SLC2A9: variants seen among roughly 807,000 people sequenced by gnomAD.
SLC2A9 encodes the protein solute carrier family 2 member 9.
SLC2A9 carries 39 observed loss-of-function variants against 50.6 expected under a neutral mutation model. The observed-to-expected ratio is 0.77, with a 90% CI of 0.60 to 1.01. The LOEUF is 1.01. SLC2A9 is among the 50% of genes least tolerant of loss of function. The probability of loss-of-function intolerance (pLI) is 0.00; values close to 1 mark genes in which losing one functional copy is unlikely to be tolerated. For synonymous variants in SLC2A9, 324 were observed against 276.9 expected, an observed-to-expected ratio of 1.17 and a Z score of -1.69; for missense variants, 686 against 677.6, an observed-to-expected ratio of 1.01 and a Z score of -0.14.
chr4:9,999,022 C>T (rs1275940928), intron 2 of SLC2A9, among the ~76,000 whole-genome samples: 1 of 150,448 alleles, frequency 6.6e-6, no homozygotes, highest in Non-Finnish European at 1.5e-5. Context: ...GGTCAGGGGT[C>T]ATCTCGGGGG....
In SLC2A9 at chr4:9,928,289, T is replaced by C. The variant is rs1322643805; in HGVS notation, c.815-7717A>G. On this transcript the variant is annotated intron_variant, in intron 6 of 11. Coordinates refer to ENST00000264784, the MANE Select transcript of SLC2A9 (RefSeq NM_020041.3). Reference sequence around the variant, plus strand: ...CTCACAGAGATTTTCAAATTCAAGATGTAGTCAATCTGTTGCTTCAGGATA... The same window carrying C: ...CTCACAGAGATTTTCAAATTCAAGACGTAGTCAATCTGTTGCTTCAGGATA... Among the ~76,000 whole-genome samples, 4 of 152,346 alleles carry C rather than the reference T, an allele frequency of 2.6e-5. No individual in the cohort carries two copies. The East Asian group carries it at 7.7e-4, about 29-fold the overall frequency.
intron 5 of SLC2A9, among the ~76,000 whole-genome samples, chr4:9,958,471 C>T (rs1306234653): frequency 1.3e-5 from 2 of 152,060 alleles, no homozygotes; most frequent in East Asian, 3.9e-4. Context: ...GGGAGGGGAA[C>T]ATCACACAAT....
At chr4:9,878,742 A>G (rs1734700106) in intron 10 of SLC2A9, among the ~76,000 whole-genome samples, 2 of 152,116 alleles carry the variant, frequency 1.3e-5, no homozygotes. Context: ...GCAGAGCAGA[A>G]GTGCCGGCTC....
chr4:9,924,382 G>T (rs182309630), intron 6 of SLC2A9, among the ~76,000 whole-genome samples: 3 of 152,178 alleles, frequency 2.0e-5, no homozygotes, highest in African/African-American at 7.2e-5. Context: ...AGCAGCCCTC[G>T]GTTAAGACAA....
chr4:9,963,349 A>C (rs567028372), intron 5 of SLC2A9, among the ~76,000 whole-genome samples: 4 of 152,206 alleles, frequency 2.6e-5, no homozygotes, highest in Non-Finnish European at 5.9e-5. Context: ...CCATTTCAGG[A>C]CCATTAAAAA....
chr4:9,862,441 T>C (rs7680896), intron 10 of SLC2A9, among the ~76,000 whole-genome samples: 3,866 of 152,202 alleles, frequency 0.025, 230 homozygotes, highest in African/African-American at 0.089. Context: ...GTGTCTCCCA[T>C]GTATGTGTGA....
chr4:9,878,143 C>G (rs1165780595), intron 10 of SLC2A9, among the ~76,000 whole-genome samples: 1 of 151,680 alleles, frequency 6.6e-6, no homozygotes, highest in Non-Finnish European at 1.5e-5. Flanking sequence ...AACACACACA[C>G]ACATATATAT....
chr4:9,878,556 C>T (rs1318115204), intron 10 of SLC2A9, among the ~76,000 whole-genome samples: 1 of 151,982 alleles, frequency 6.6e-6, no homozygotes, highest in Non-Finnish European at 1.5e-5. Flanking sequence ...CTCCATGCCC[C>T]GTGATGCACC....
At chr4:9,972,021 T>C (rs968297212) in intron 5 of SLC2A9, among the ~76,000 whole-genome samples, 1 of 152,234 alleles carries the variant, frequency 6.6e-6, no homozygotes. Context: ...TTCTTTAAAA[T>C]CCTTTGTCTT....
chr4:10,028,457 G>T (rs988150449), intron 1 of SLC2A9, among the ~76,000 whole-genome samples: 1 of 152,154 alleles, frequency 6.6e-6, no homozygotes, highest in African/African-American at 2.4e-5. Flanking sequence ...CCCTGGGTCT[G>T]CCCCCAGCCA....
At chr4:10,008,900 G>GTTTTTTTTTTT (rs1553911923) in intron 2 of SLC2A9, among the ~76,000 whole-genome samples, 1 of 134,860 alleles carries the variant, frequency 7.4e-6, no homozygotes. Flanking sequence ...CTGTGCGGTG[G>GTTTTTTTTTTT]TTTTTTTTTT....
intron 7 of SLC2A9, among the ~76,000 whole-genome samples, chr4:9,909,557 C>T (rs1741310928): frequency 2.0e-5 from 3 of 152,206 alleles, no homozygotes; most frequent in Admixed American, 1.3e-4. Context: ...TCAGGCAATT[C>T]ACCCTGCCAT....
At chr4:9,822,127 T>C (rs1003253658), downstream of SLC2A9, among the ~76,000 whole-genome samples, 1 of 152,184 alleles carries the variant, frequency 6.6e-6, no homozygotes, top group Non-Finnish European at 1.5e-5. Context: ...TTATCCTCTC[T>C]TTTTCTCCCT....
chr4:10,030,320 C>A (rs555345053), intron 1 of SLC2A9, among the ~76,000 whole-genome samples: 5 of 152,246 alleles, frequency 3.3e-5, no homozygotes, highest in African/African-American at 1.2e-4. Flanking sequence ...GTACCACACA[C>A]ATATGTACAA....
At chr4:9,775,498 C>G (rs1345756096), downstream of SLC2A9, among the ~76,000 whole-genome samples, 2 of 152,100 alleles carry the variant, frequency 1.3e-5, no homozygotes, top group Non-Finnish European at 2.9e-5. Flanking sequence ...TGTTAAATTG[C>G]AATCTCCAGT....
Sources: gnomAD v4.1 joint callset for allele counts (sites outside exome capture counted in the v4.1 genomes callset) on GRCh38, gnomAD v4.1.1 for gene constraint, MANE v1.5 for transcripts, NCBI Gene and HGNC (gene_info 2026-07-23, HGNC 2026-07-21) for gene names.